UROC1: variants seen among roughly 807,000 people sequenced by gnomAD.
The protein encoded by UROC1 is urocanate hydratase 1.
In UROC1, 79 loss-of-function variants were observed where a neutral mutation model predicts 89.5. That is an observed-to-expected ratio of 0.88 (90% CI 0.74 to 1.06). The LOEUF (loss-of-function observed/expected upper bound fraction) is 1.06. Ranked by LOEUF, UROC1 falls within the 50% of genes least tolerant of loss-of-function variation. The pLI, the probability that UROC1 is intolerant of heterozygous loss-of-function variation, is 0.00. For synonymous variants in UROC1, 361 were observed against 354.8 expected, an observed-to-expected ratio of 1.02 and a Z score of -0.20; for missense variants, 885 against 907.8, an observed-to-expected ratio of 0.97 and a Z score of 0.32.
At chr3:126,517,201 C>T (rs1936348630) in intron 1 of UROC1, among the ~76,000 whole-genome samples, 1 of 152,128 alleles carries the variant, frequency 6.6e-6, no homozygotes. Context: ...CAGAGATTTG[C>T]GGGAGGGACA....
intron 18 of UROC1, among the ~76,000 whole-genome samples, chr3:126,487,288 C>T (rs969200826): frequency 1.3e-5 from 2 of 152,214 alleles, no homozygotes; most frequent in African/African-American, 4.8e-5. Context: ...TCTTCCCCTC[C>T]GGAAATGACT....
At chr3:126,497,903 C>T (rs1935817092) in intron 14 of UROC1, 148 bp downstream of exon 14, 11 of 1,385,018 alleles carry the variant, frequency 7.9e-6, no homozygotes, top group African/African-American at 1.4e-5. Flanking sequence ...GTGTTGCCAG[C>T]TGAGCACCCA....
At chr3:126,496,448 G>A (rs1935779535) in intron 14 of UROC1, among the ~76,000 whole-genome samples, 1 of 152,246 alleles carries the variant, frequency 6.6e-6, no homozygotes, top group African/African-American at 2.4e-5. Flanking sequence ...TGTGTTGAGG[G>A]CTCCCCAGGA....
Position 126,482,369 on chromosome 3 carries a change from C to G in UROC1, c.2007G>C (p.Val669=). Residue 669 remains valine (V), a synonymous_variant, in exon 20 of 20, where the codon GTG becomes GTC. Coordinates refer to ENST00000290868, the MANE Select transcript of UROC1 (RefSeq NM_144639.3). ...TLPHKVEDER[V]LQQALQL ...CTCAGAGCTGCAGGGCCTGCTGGAG[C>G]ACCCGCTCGTCCTCCACCTTGTGAG... The G allele has an allele frequency of 1.2e-6, 2 of 1,613,502 alleles. No homozygotes were observed. The highest frequency in any genetic ancestry group is 1.7e-5 in the Admixed American group (1 of 59,990).
chr3:126,502,963 TATG>T (rs1260999231), intron 9 of UROC1, among the ~76,000 whole-genome samples: 2 of 151,922 alleles, frequency 1.3e-5, no homozygotes, highest in Non-Finnish European at 2.9e-5. Context: ...TATGTGTGTT[TATG>T]TATGTGGGTG....
At position 126,504,030 on chromosome 3, in the gene UROC1, C is replaced by G; in HGVS notation, c.867G>C (p.Val289=). ...KRHRQGWLME[V]TDSLDRCIQR... Reference sequence around the variant, plus strand: ...GGATGCAGCGGTCCAAGCTGTCAGTCACTTCCATCAGCCAGCCCTGCCTGT... The same window carrying G: ...GGATGCAGCGGTCCAAGCTGTCAGTGACTTCCATCAGCCAGCCCTGCCTGT... The change falls in exon 9 of 20, where the codon GTG becomes GTC. Residue 289 remains valine, a synonymous_variant. Transcript: ENST00000290868. The G allele has an allele frequency of 6.2e-7, 1 of 1,614,160 alleles. No individual in the cohort carries two copies.
intron 12 of UROC1, 68 bp downstream of exon 12, chr3:126,499,989 G>A (rs1935877094): frequency 6.9e-7 from 1 of 1,458,354 alleles, no homozygotes; most frequent in Non-Finnish European, 9.5e-7. Flanking sequence ...GGAGCCAGTG[G>A]CACTGGCCTG....
intron 1 of UROC1, among the ~76,000 whole-genome samples, chr3:126,515,323 G>T (rs544965886): frequency 1.3e-5 from 2 of 151,934 alleles, no homozygotes; most frequent in South Asian, 4.1e-4. Context: ...GGGCCAAGGG[G>T]AGCAAAGGGG....
intron 4 of UROC1, 87 bp downstream of exon 4, chr3:126,508,329 G>T: frequency 6.9e-7 from 1 of 1,453,966 alleles, no homozygotes; most frequent in South Asian, 1.1e-5. Flanking sequence ...CCTGCATCCT[G>T]AGCTGTGGGT....
At chr3:126,489,794 C>T (rs1449143741) in intron 16 of UROC1, among the ~76,000 whole-genome samples, 2 of 152,196 alleles carry the variant, frequency 1.3e-5, no homozygotes, top group South Asian at 2.1e-4. Flanking sequence ...GCCCACTGTA[C>T]CCTAAGTAAA....
At chr3:126,495,633 G>A (rs1442090443) in intron 15 of UROC1, among the ~76,000 whole-genome samples, 1 of 152,216 alleles carries the variant, frequency 6.6e-6, no homozygotes, top group African/African-American at 2.4e-5. Flanking sequence ...ATCTCTCTGA[G>A]TCCTTGCTTC....
At position 126,483,443 on chromosome 3, in the gene UROC1, C is replaced by A. The variant is rs560289494; in HGVS notation, c.1816G>T (p.Gly606Cys). 1.2e-6 allele frequency: 2 copies of A among 1,613,884 alleles called. No individual in the cohort carries two copies. The highest frequency in any genetic ancestry group is 1.7e-6 in the Non-Finnish European group (2 of 1,180,052). ...GWGEVINGGFGLVLDGTPEAE... is the reference protein window; with the variant it reads ...GWGEVINGGFCLVLDGTPEAE... ...TCCGGGGTACCGTCCAGCACGAGGC[C>A]GAATCCCCCGTTGATCACCTCACCC... Residue 606 changes from glycine to cysteine, a missense_variant, in exon 19 of 20, where the codon GGC (glycine) becomes TGC (cysteine). Physicochemically the swap from Gly to Cys is radical, Grantham distance 159 (BLOSUM62 -3). Transcript: ENST00000290868.
chr3:126,506,120 G>T, intron 6 of UROC1, 109 bp from the exon 7 acceptor site: 4 of 1,162,496 alleles, frequency 3.4e-6, no homozygotes, highest in Non-Finnish European at 5.1e-6. Context: ...TACCCAATAG[G>T]CATTAATATA....
Position 126,510,644 on chromosome 3 carries a change from G to C in UROC1, c.257+20C>G. ...TGCCTGCCCCTCGGGTCCCTTTGAA[G>C]CTGTACCCACAAGGCTGACCTCATT... On this transcript the variant is annotated intron_variant, in intron 2 of 19. Transcript: ENST00000290868. 6.2e-7 allele frequency: 1 copy of C among 1,613,410 alleles called. No homozygotes were observed. Among genetic ancestry groups the C allele is most frequent in the Non-Finnish European group, 8.5e-7 (1 of 1,179,956 alleles).
At chr3:126,509,704 G>A (rs1936154379) in intron 2 of UROC1, 26 bp from the exon 3 acceptor site, 1 of 1,547,548 alleles carries the variant, frequency 6.5e-7, no homozygotes, top group Middle Eastern at 1.7e-4. Flanking sequence ...CAACCACCAG[G>A]CTGCCCTTCC....
intron 15 of UROC1, among the ~76,000 whole-genome samples, chr3:126,493,090 G>A (rs1935690544): frequency 6.6e-6 from 1 of 152,162 alleles, no homozygotes; most frequent in African/African-American, 2.4e-5. Context: ...CACGAGCTCA[G>A]CCACCCAGTG....
chr3:126,495,961 C>T (rs1935765534), intron 15 of UROC1, 77 bp downstream of exon 15: 4 of 1,437,080 alleles, frequency 2.8e-6, no homozygotes, highest in Non-Finnish European at 3.9e-6. Context: ...GGCTGAGCGC[C>T]CGTCAGCAGC....
chr3:126,490,620 G>A (rs552353773), intron 16 of UROC1, among the ~76,000 whole-genome samples: 83 of 152,138 alleles, frequency 5.5e-4, no homozygotes, highest in Non-Finnish European at 9.0e-4. Flanking sequence ...GGGGGGTGGA[G>A]GTTGCAGTGA....
At chr3:126,497,270 G>A (rs968710655) in intron 14 of UROC1, among the ~76,000 whole-genome samples, 7 of 152,216 alleles carry the variant, frequency 4.6e-5, no homozygotes, top group Non-Finnish European at 7.3e-5. Flanking sequence ...AAAGCCACCC[G>A]ACCTGCAGGA....
Sources: gnomAD v4.1 joint callset for allele counts (sites outside exome capture counted in the v4.1 genomes callset) on GRCh38, gnomAD v4.1.1 for gene constraint, MANE v1.5 for transcripts, NCBI Gene and HGNC (gene_info 2026-07-23, HGNC 2026-07-21) for gene names.